FMN2: variants seen among roughly 807,000 people sequenced by gnomAD.
FMN2 encodes the protein formin-2.
A neutral mutation model predicts 142.3 loss-of-function variants in FMN2; 51 were observed. The observed-to-expected ratio is 0.36, with a 90% CI of 0.29 to 0.45. The LOEUF is 0.45. Ranked by LOEUF, FMN2 falls within the 20% of genes least tolerant of loss-of-function variation. The pLI is 1.00. For missense variants in FMN2, 1,936 were observed against 2,122.8 expected, an observed-to-expected ratio of 0.91 and a Z score of 1.73; for synonymous variants, 882 against 869.8, an observed-to-expected ratio of 1.01 and a Z score of -0.25.
intron 16 of FMN2, among the ~76,000 whole-genome samples, chr1:240,450,668 C>T (rs10802875): frequency 0.7 from 106,796 of 151,690 alleles, 37,822 homozygotes; most frequent in East Asian, 0.88. Context: ...GATGAAAGAA[C>T]GTGCTCCTGG....
At chr1:240,453,140 G>A (rs745862196) in intron 16 of FMN2, among the ~76,000 whole-genome samples, 5 of 152,228 alleles carry the variant, frequency 3.3e-5, no homozygotes, top group East Asian at 1.9e-4. Flanking sequence ...TTTAGCACAC[G>A]CTTTCACATA....
At chr1:240,214,786 C>G (rs995059756) in intron 6 of FMN2, among the ~76,000 whole-genome samples, 1 of 152,114 alleles carries the variant, frequency 6.6e-6, no homozygotes, top group Non-Finnish European at 1.5e-5. Flanking sequence ...GTTTAACCCA[C>G]TGGGTATGGT....
At chr1:240,187,606 C>G (rs967624766) in intron 3 of FMN2, among the ~76,000 whole-genome samples, 2 of 152,110 alleles carry the variant, frequency 1.3e-5, no homozygotes, top group African/African-American at 2.4e-5. Context: ...AGAAAGTGCC[C>G]TCTCGCTTAC....
intron 14 of FMN2, among the ~76,000 whole-genome samples, chr1:240,392,003 C>G (rs1245110341): frequency 6.6e-6 from 1 of 151,980 alleles, no homozygotes. Flanking sequence ...ATCACATTCC[C>G]CCTTTTCAGA....
At chr1:240,409,371 T>A (rs939704486) in intron 15 of FMN2, among the ~76,000 whole-genome samples, 2 of 152,130 alleles carry the variant, frequency 1.3e-5, no homozygotes, top group African/African-American at 4.8e-5. Flanking sequence ...CTCAAACTCC[T>A]GACTTCAAAG....
chr1:240,195,047 G>A (rs1302484639), intron 4 of FMN2, among the ~76,000 whole-genome samples: 1 of 152,024 alleles, frequency 6.6e-6, no homozygotes, highest in African/African-American at 2.4e-5. Context: ...TGTTATAGTT[G>A]AGCAATACTC....
chr1:240,252,036 G>C (rs867774518), intron 6 of FMN2, among the ~76,000 whole-genome samples: 4 of 152,252 alleles, frequency 2.6e-5, no homozygotes, highest in Middle Eastern at 3.4e-3. Flanking sequence ...AGCCTTCCAA[G>C]TAGCTGGGAT....
intron 15 of FMN2, among the ~76,000 whole-genome samples, chr1:240,395,861 C>A (rs990902418): frequency 6.6e-6 from 1 of 152,184 alleles, no homozygotes; most frequent in East Asian, 1.9e-4. Flanking sequence ...GACAAAGCAG[C>A]AGCAGGGTTT....
At chr1:240,156,529 C>T (rs569375806) in intron 2 of FMN2, among the ~76,000 whole-genome samples, 2 of 152,200 alleles carry the variant, frequency 1.3e-5, no homozygotes, top group South Asian at 2.1e-4. Flanking sequence ...TCCAGTAACG[C>T]TGTGAAGGGA....
chr1:240,170,480 C>T, intron 2 of FMN2: 1 of 1,450,036 alleles, frequency 6.9e-7, no homozygotes. Context: ...CAAATTTTGT[C>T]TAAATCCTAA....
intron 1 of FMN2, among the ~76,000 whole-genome samples, chr1:240,097,532 T>G (rs954082028): frequency 6.6e-6 from 1 of 152,090 alleles, no homozygotes; most frequent in East Asian, 1.9e-4. Flanking sequence ...ATTTTTTGTA[T>G]TTTTAGTACA....
intron 13 of FMN2, among the ~76,000 whole-genome samples, chr1:240,340,620 G>A (rs578216705): frequency 1.3e-5 from 2 of 152,208 alleles, no homozygotes; most frequent in East Asian, 3.9e-4. Context: ...TGGAATGATA[G>A]TTTCACCAGA....
intron 2 of FMN2, among the ~76,000 whole-genome samples, chr1:240,134,974 A>G (rs1662880923): frequency 6.6e-6 from 1 of 152,120 alleles, no homozygotes; most frequent in African/African-American, 2.4e-5. Context: ...TATGTTCATG[A>G]CCATCCCGTA....
At chr1:240,247,886 A>C (rs1433822987) in intron 6 of FMN2, among the ~76,000 whole-genome samples, 1 of 152,240 alleles carries the variant, frequency 6.6e-6, no homozygotes, top group Non-Finnish European at 1.5e-5. Flanking sequence ...CATGCATAGA[A>C]TGCGTGGTGA....
At chr1:240,448,833 A>AATTCAAT (rs1675911426) in intron 16 of FMN2, among the ~76,000 whole-genome samples, 1 of 152,048 alleles carries the variant, frequency 6.6e-6, no homozygotes, top group Admixed American at 6.6e-5. Context: ...AAAAAATAGT[A>AATTCAAT]ATTCAATATG....
intron 16 of FMN2, among the ~76,000 whole-genome samples, chr1:240,451,978 T>C (rs1676064078): frequency 6.6e-6 from 1 of 151,962 alleles, no homozygotes; most frequent in African/African-American, 2.4e-5. Flanking sequence ...GATCACAAGG[T>C]CAGGAGATCG....
chr1:240,116,041 G>A (rs979614189), intron 1 of FMN2, among the ~76,000 whole-genome samples: 4 of 152,206 alleles, frequency 2.6e-5, no homozygotes, highest in African/African-American at 9.6e-5. Flanking sequence ...CCATGCTAAC[G>A]ATTCCTTTAG....
chr1:240,440,150 G>T (rs59446545), intron 16 of FMN2, among the ~76,000 whole-genome samples: 3,955 of 152,220 alleles, frequency 0.026, 162 homozygotes, highest in African/African-American at 0.089. Flanking sequence ...AGAATGGCTT[G>T]GTCCTGTCGT....
At chr1:240,229,577 T>A (rs1435705911) in intron 6 of FMN2, among the ~76,000 whole-genome samples, 2 of 152,214 alleles carry the variant, frequency 1.3e-5, no homozygotes, top group African/African-American at 4.8e-5. Flanking sequence ...GGTGGTTCTG[T>A]GGAATTGTTT....
Sources: gnomAD v4.1 joint callset for allele counts (sites outside exome capture counted in the v4.1 genomes callset) on GRCh38, gnomAD v4.1.1 for gene constraint, MANE v1.5 for transcripts, NCBI Gene and HGNC (gene_info 2026-07-23, HGNC 2026-07-21) for gene names.